The following TANGO6 variants were observed in gnomAD, a reference collection of about 807,000 sequenced individuals.
TANGO6 encodes the protein transport and golgi organization 6 homolog.
Under a neutral mutation model 114.2 loss-of-function variants are expected in TANGO6, and 90 were observed. The observed-to-expected ratio is 0.79, with a 90% confidence interval of 0.66 to 0.94. The LOEUF (loss-of-function observed/expected upper bound fraction) is 0.94. Ranked by LOEUF, TANGO6 falls within the 40% of genes least tolerant of loss-of-function variation. TANGO6 has a pLI of 0.00. For missense variants in TANGO6, 1,274 were observed against 1,315.3 expected, an observed-to-expected ratio of 0.97 and a Z score of 0.49; for synonymous variants, 477 against 509.8, an observed-to-expected ratio of 0.94 and a Z score of 0.87.
At chr16:68,914,994 C>T (rs906747049) in intron 11 of TANGO6, among the ~76,000 whole-genome samples, 36 of 140,328 alleles carry the variant, frequency 2.6e-4, no homozygotes, top group African/African-American at 9.7e-4. Context: ...CACACACACA[C>T]ACACACATAT....
At chr16:68,857,441 T>C (rs1962015196) in intron 1 of TANGO6, among the ~76,000 whole-genome samples, 1 of 152,208 alleles carries the variant, frequency 6.6e-6, no homozygotes, top group African/African-American at 2.4e-5. Context: ...AAGATCATCT[T>C]GGTTGCTCCC....
intron 12 of TANGO6, 24 bp from the exon 13 acceptor site, chr16:68,927,544 G>A (rs1963182674): frequency 1.2e-6 from 2 of 1,601,796 alleles, no homozygotes; most frequent in Middle Eastern, 1.7e-4. Flanking sequence ...ATTTGGGTTT[G>A]ACATTTTTTA....
At chr16:68,950,610 C>T (rs1963462537) in intron 14 of TANGO6, among the ~76,000 whole-genome samples, 1 of 151,578 alleles carries the variant, frequency 6.6e-6, no homozygotes, top group Non-Finnish European at 1.5e-5. Context: ...CCTGTAGTCC[C>T]AGCACTTTGG....
intron 15 of TANGO6, among the ~76,000 whole-genome samples, chr16:68,981,161 A>T (rs1274652609): frequency 2.0e-5 from 3 of 150,920 alleles, no homozygotes; most frequent in Admixed American, 6.6e-5. Context: ...GTCAATGTTG[A>T]CAATAACTTG....
intron 14 of TANGO6, among the ~76,000 whole-genome samples, chr16:68,964,563 ATTT>A (rs762474177): frequency 4.5e-4 from 60 of 133,334 alleles, no homozygotes; most frequent in African/African-American, 9.7e-4. Context: ...AAACATATTA[ATTT>A]TTTTTTTTTT....
intron 7 of TANGO6, among the ~76,000 whole-genome samples, chr16:68,888,750 A>C (rs368701317): frequency 1.3e-5 from 2 of 152,326 alleles, no homozygotes; most frequent in East Asian, 3.9e-4. Context: ...GAATAATAGA[A>C]TCTTAGAACT....
intron 3 of TANGO6, among the ~76,000 whole-genome samples, chr16:68,866,617 A>G (rs1962181404): frequency 2.0e-5 from 3 of 147,548 alleles, no homozygotes; most frequent in East Asian, 4.0e-4. Flanking sequence ...GCGACAGAGC[A>G]AGACTCCGTC....
chr16:68,953,068 A>G (rs1963489038), intron 14 of TANGO6, among the ~76,000 whole-genome samples: 2 of 146,786 alleles, frequency 1.4e-5, no homozygotes, highest in African/African-American at 5.0e-5. Flanking sequence ...TATTATTATT[A>G]TTATTATTAT....
At chr16:69,040,272 G>T in intron 16 of TANGO6, 36 bp from the exon 17 acceptor site, 1 of 1,540,336 alleles carries the variant, frequency 6.5e-7, no homozygotes, top group Non-Finnish European at 8.8e-7. Flanking sequence ...GTGCAACTCT[G>T]ATTCTTATCA....
chr16:68,847,423 G>A (rs185116994), intron 1 of TANGO6, among the ~76,000 whole-genome samples: 103 of 152,252 alleles, frequency 6.8e-4, no homozygotes, highest in Middle Eastern at 6.8e-3. Flanking sequence ...TTTCCAAGTA[G>A]ATGTTATTTT....
chr16:69,066,968 C>G (rs1278357886), intron 17 of TANGO6, among the ~76,000 whole-genome samples: 6 of 152,282 alleles, frequency 3.9e-5, no homozygotes, highest in Admixed American at 2.0e-4. Context: ...GCAATCACGG[C>G]TCAGTATAGC....
rs1458566578 is a variant in TANGO6 at position 68,860,241 on chromosome 16, T to C, written c.452T>C (p.Phe151Ser). ...QQKTVQFVLQ[F>S]VVTLGICPYL... ...AAGACTGTCCAGTTCGTTTTGCAGT[T>C]TGTAGTTACCTTGGGTATCTGCCCC... is the stretch of plus-strand genomic sequence containing the variant. The change falls in exon 2 of 18, where the codon TTT (phenylalanine) becomes TCT (serine). Residue 151 changes from phenylalanine (F) to serine (S), a missense_variant. Coordinates refer to ENST00000261778, the MANE Select transcript of TANGO6 (RefSeq NM_024562.2). The C allele has an allele frequency of 6.2e-7, 1 of 1,614,030 alleles. No homozygotes were observed. The highest frequency in any genetic ancestry group is 1.7e-5 in the Admixed American group (1 of 60,026).
At chr16:68,943,926 C>A (rs577242876) in intron 14 of TANGO6, among the ~76,000 whole-genome samples, 2 of 152,036 alleles carry the variant, frequency 1.3e-5, no homozygotes, top group African/African-American at 4.8e-5. Flanking sequence ...TAGCTTAGAG[C>A]AAGAGAGTAA....
intron 1 of TANGO6, among the ~76,000 whole-genome samples, chr16:68,847,101 G>A (rs890052299): frequency 6.6e-6 from 1 of 151,710 alleles, no homozygotes; most frequent in Admixed American, 6.6e-5. Flanking sequence ...CGTTGGTCAG[G>A]CTGGTCTCGA....
intron 11 of TANGO6, among the ~76,000 whole-genome samples, chr16:68,917,823 G>C (rs1267938707): frequency 2.0e-5 from 3 of 151,998 alleles, no homozygotes; most frequent in Non-Finnish European, 4.4e-5. Context: ...CACCATCATG[G>C]CTTACTGCAG....
At chr16:68,858,829 A>G (rs1158211704) in intron 1 of TANGO6, among the ~76,000 whole-genome samples, 1 of 152,156 alleles carries the variant, frequency 6.6e-6, no homozygotes. Context: ...ATGTCTCTAT[A>G]AGCATTGCTT....
chr16:68,895,786 A>AGCT (rs1296338459), intron 7 of TANGO6, among the ~76,000 whole-genome samples: 2 of 152,196 alleles, frequency 1.3e-5, no homozygotes, highest in African/African-American at 4.8e-5. Context: ...TAGGATGCAT[A>AGCT]GCTGTGCTTA....
At chr16:69,018,135 A>ATC (rs1310179177) in intron 15 of TANGO6, among the ~76,000 whole-genome samples, 6 of 111,750 alleles carry the variant, frequency 5.4e-5, no homozygotes, top group African/African-American at 1.7e-4. Context: ...GCCGTTGGAA[A>ATC]TCTCTTTTTT....
At chr16:68,919,648 C>T (rs1024463433) in intron 12 of TANGO6, among the ~76,000 whole-genome samples, 8 of 152,224 alleles carry the variant, frequency 5.3e-5, no homozygotes, top group Non-Finnish European at 1.0e-4. Context: ...TTCTTCATCC[C>T]TTATCAGGTA....
Sources: gnomAD v4.1 joint callset for allele counts (sites outside exome capture counted in the v4.1 genomes callset) on GRCh38, gnomAD v4.1.1 for gene constraint, MANE v1.5 for transcripts, NCBI Gene and HGNC (gene_info 2026-07-23, HGNC 2026-07-21) for gene names.